Variants in DLG2 observed in about 807,000 individuals in gnomAD.
DLG2 encodes disks large homolog 2.
A neutral mutation model predicts 132.5 loss-of-function variants in DLG2; 45 were observed. The ratio of observed to expected loss-of-function variants is 0.34; its 90% CI spans 0.27 to 0.44. The LOEUF is 0.44. Among genes scored for constraint, DLG2 ranks in the 20% least tolerant of loss-of-function variants. DLG2 has a pLI of 1.00. For synonymous variants in DLG2, 424 were observed against 419.6 expected (o/e 1.01, Z -0.13); for missense variants, 1,045 against 1,196.9 (o/e 0.87, Z 1.87).
intron 8 of DLG2, among the ~76,000 whole-genome samples, chr11:84,213,987 A>T (rs1041009153): frequency 2.0e-5 from 3 of 151,436 alleles, no homozygotes; most frequent in African/African-American, 7.3e-5. Context: ...ATTATTGGTT[A>T]TTAATATGTT....
At chr11:85,253,576 G>T (rs991341132) in intron 4 of DLG2, among the ~76,000 whole-genome samples, 1 of 152,106 alleles carries the variant, frequency 6.6e-6, no homozygotes, top group African/African-American at 2.4e-5. Flanking sequence ...GGGTGCCTGC[G>T]ACCCCTGAAG....
At chr11:84,280,264 A>T (rs112458516) in intron 7 of DLG2, among the ~76,000 whole-genome samples, 128 of 152,086 alleles carry the variant, frequency 8.4e-4, no homozygotes, top group Non-Finnish European at 1.5e-3. Context: ...AATGCAATTT[A>T]CGACAAATTT....
At chr11:84,790,848 TC>T (rs1408081545) in intron 6 of DLG2, among the ~76,000 whole-genome samples, 1 of 152,204 alleles carries the variant, frequency 6.6e-6, no homozygotes, top group Non-Finnish European at 1.5e-5. Context: ...AGACTGTCCT[TC>T]CCCCAGTGTA....
chr11:85,122,930 ATGTG>A (rs1230501793), intron 5 of DLG2, among the ~76,000 whole-genome samples: 5 of 76,522 alleles, frequency 6.5e-5, no homozygotes, highest in African/African-American at 1.6e-4. Context: ...ACATGCATGT[ATGTG>A]TGTCTGTATA....
chr11:84,743,195 A>C (rs887252979), intron 6 of DLG2, among the ~76,000 whole-genome samples: 3 of 152,112 alleles, frequency 2.0e-5, no homozygotes, highest in Admixed American at 6.5e-5. Context: ...CAATATCAAA[A>C]CCAGTACATT....
At position 84,398,095 on chromosome 11, in the gene DLG2, G is replaced by T. The variant is rs144596764; in HGVS notation, c.519+136475C>A. Among the ~76,000 whole-genome samples, 791 of 152,278 alleles carry T rather than the reference G, an allele frequency of 5.2e-3. 4 individuals carry two copies. The highest frequency in any genetic ancestry group is 0.014 in the Middle Eastern group (4 of 294). On this transcript the variant is annotated intron_variant, in intron 7 of 27. Coordinates refer to ENST00000376104, the MANE Select transcript of DLG2 (RefSeq NM_001142699.3). ...ATTTAAAGCAGCTTAGTTCTGAAAG[G>T]CTTCCTTGTACTTTTGCTACAATTC...
chr11:85,371,385 T>A (rs1369873819), intron 3 of DLG2, among the ~76,000 whole-genome samples: 1 of 152,152 alleles, frequency 6.6e-6, no homozygotes, highest in African/African-American at 2.4e-5. Flanking sequence ...CTCCTATGAA[T>A]GAAATTTGAA....
intron 2 of DLG2, among the ~76,000 whole-genome samples, chr11:85,606,300 C>T (rs751057295): frequency 3.3e-5 from 5 of 152,006 alleles, no homozygotes; most frequent in Admixed American, 6.6e-5. Context: ...GAGGTGAAGC[C>T]GGCTGGCTTC....
intron 6 of DLG2, among the ~76,000 whole-genome samples, chr11:84,609,692 G>A (rs914741344): frequency 6.6e-6 from 1 of 152,048 alleles, no homozygotes; most frequent in Non-Finnish European, 1.5e-5. Context: ...TAATCAAATA[G>A]GATTATCAGA....
intron 4 of DLG2, among the ~76,000 whole-genome samples, chr11:85,277,554 T>C (rs1355765199): frequency 1.3e-5 from 2 of 152,062 alleles, no homozygotes; most frequent in Admixed American, 1.3e-4. Flanking sequence ...CAAAGAAAAA[T>C]CTTACTGTAA....
chr11:85,001,649 C>T (rs970473295), intron 6 of DLG2, among the ~76,000 whole-genome samples: 4 of 152,112 alleles, frequency 2.6e-5, no homozygotes, highest in Admixed American at 6.6e-5. Context: ...TTTTTTAAGG[C>T]AGTGAAAGTA....
At chr11:85,423,138 T>C (rs1056987389) in intron 3 of DLG2, among the ~76,000 whole-genome samples, 2 of 152,234 alleles carry the variant, frequency 1.3e-5, no homozygotes, top group South Asian at 4.1e-4. Context: ...AGTTGTTCTC[T>C]GAGGTAGAAC....
chr11:83,867,650 C>T (rs11233770), intron 16 of DLG2, among the ~76,000 whole-genome samples: 58 of 152,200 alleles, frequency 3.8e-4, no homozygotes, highest in East Asian at 1.7e-3. Context: ...TGAAATTCCA[C>T]GTTTGGAAAC....
intron 3 of DLG2, among the ~76,000 whole-genome samples, chr11:85,434,181 A>G (rs887115816): frequency 1.3e-5 from 2 of 152,212 alleles, no homozygotes; most frequent in Non-Finnish European, 2.9e-5. Flanking sequence ...CTGTGTTAAG[A>G]GGGAAATTTA....
At chr11:84,560,426 T>A (rs1211143366) in intron 6 of DLG2, among the ~76,000 whole-genome samples, 1 of 152,100 alleles carries the variant, frequency 6.6e-6, no homozygotes, top group Non-Finnish European at 1.5e-5. Context: ...GCAGGCACTT[T>A]TATCATCTGC....
chr11:83,737,287 TA>T (rs1252412165), intron 18 of DLG2, among the ~76,000 whole-genome samples: 1 of 152,212 alleles, frequency 6.6e-6, no homozygotes, highest in Non-Finnish European at 1.5e-5. Context: ...ACTTTTTCAC[TA>T]CATTCTCATA....
intron 6 of DLG2, among the ~76,000 whole-genome samples, chr11:84,695,725 C>G (rs2058547874): frequency 6.6e-6 from 1 of 151,460 alleles, no homozygotes; most frequent in Non-Finnish European, 1.5e-5. Context: ...AAGAACACAT[C>G]TCTGCTTAAA....
chr11:83,569,491 T>C (rs1272569208), intron 19 of DLG2, among the ~76,000 whole-genome samples: 1 of 152,198 alleles, frequency 6.6e-6, no homozygotes, highest in Non-Finnish European at 1.5e-5. Flanking sequence ...ATTTTAATCC[T>C]CATTTTACAG....
chr11:85,311,206 G>A (rs776158705), intron 3 of DLG2, among the ~76,000 whole-genome samples: 10 of 152,098 alleles, frequency 6.6e-5, no homozygotes, highest in Admixed American at 1.3e-4. Flanking sequence ...CATCTATATC[G>A]ATGTTGTCCA....
Sources: gnomAD v4.1 joint callset for allele counts (sites outside exome capture counted in the v4.1 genomes callset) on GRCh38, gnomAD v4.1.1 for gene constraint, MANE v1.5 for transcripts, NCBI Gene and HGNC (gene_info 2026-07-23, HGNC 2026-07-21) for gene names.